Variants in ADAMTSL1 observed in about 807,000 individuals in gnomAD.
ADAMTSL1 encodes the protein ADAMTS like 1.
A neutral mutation model predicts 201.8 loss-of-function variants in ADAMTSL1; 126 were observed. That is an observed-to-expected ratio of 0.62 (90% confidence interval 0.54 to 0.72). The LOEUF is 0.72. Ranked by LOEUF, ADAMTSL1 falls within the 30% of genes least tolerant of loss-of-function variation. The probability of loss-of-function intolerance (pLI) is 0.00; values close to 1 mark genes in which losing one functional copy is unlikely to be tolerated. For missense variants in ADAMTSL1, 2,679 were observed against 2,277.8 expected, an observed-to-expected ratio of 1.18 and a Z score of -3.59; for synonymous variants, 1,121 against 903.4, an observed-to-expected ratio of 1.24 and a Z score of -4.32.
At chr9:17,932,139 G>T (rs1826821471) in intron 1 of ADAMTSL1, among the ~76,000 whole-genome samples, 1 of 152,156 alleles carries the variant, frequency 6.6e-6, no homozygotes, top group African/African-American at 2.4e-5. Context: ...TCAGAGGAAT[G>T]CTAATTGGGT....
chr9:18,279,553 G>A (rs1014185537), intron 2 of ADAMTSL1, among the ~76,000 whole-genome samples: 1 of 150,918 alleles, frequency 6.6e-6, no homozygotes, highest in African/African-American at 2.4e-5. Flanking sequence ...GACTGGATTT[G>A]TCAGGGAAAA....
At chr9:18,807,725 T>TA (rs1256013070) in intron 20 of ADAMTSL1, among the ~76,000 whole-genome samples, 3 of 152,064 alleles carry the variant, frequency 2.0e-5, no homozygotes, top group Non-Finnish European at 2.9e-5. Flanking sequence ...GAGGGCTCAG[T>TA]AATGCTGACT....
chr9:17,973,422 A>G (rs1204443934), intron 1 of ADAMTSL1, among the ~76,000 whole-genome samples: 2 of 127,184 alleles, frequency 1.6e-5, no homozygotes, highest in Non-Finnish European at 3.6e-5. Context: ...TAAATAGGGA[A>G]TCCTTTCCCC....
intron 1 of ADAMTSL1, among the ~76,000 whole-genome samples, chr9:18,014,354 T>A (rs1820169771): frequency 6.6e-6 from 1 of 152,030 alleles, no homozygotes; most frequent in African/African-American, 2.4e-5. Context: ...GAAGCATAAC[T>A]TGGGAATGGA....
In ADAMTSL1 at chr9:17,963,384, T is replaced by A. The variant is rs187099939; in HGVS notation, c.87+56462T>A. Among the ~76,000 whole-genome samples, 157 of 152,284 alleles carry A rather than the reference T, an allele frequency of 1.0e-3. 1 individual carries two copies. The highest frequency in any genetic ancestry group is 3.5e-3 in the African/African-American group (147 of 41,584). ...ACTGTGGACATTTTGAGGGGAAAGT[T>A]AGAGCACAGCTAGTAGTCATTCAGG... On this transcript the variant is annotated intron_variant, in intron 1 of 29. Coordinates refer to the ADAMTSL1 transcript ENST00000680146.
chr9:18,792,713 AT>A (rs1324248638), intron 19 of ADAMTSL1, among the ~76,000 whole-genome samples: 1 of 152,150 alleles, frequency 6.6e-6, no homozygotes, highest in Admixed American at 6.5e-5. Flanking sequence ...TTGATTTTTA[AT>A]TTTCTAATCT....
intron 1 of ADAMTSL1, among the ~76,000 whole-genome samples, chr9:17,975,466 C>G (rs894894609): frequency 2.0e-5 from 3 of 151,944 alleles, no homozygotes; most frequent in African/African-American, 7.2e-5. Flanking sequence ...GGTAAAGAAG[C>G]TCCACTCATC....
rs182665889 is a variant in ADAMTSL1 at position 18,566,454 on chromosome 9, T to C, written c.238-7576T>C. Among the ~76,000 whole-genome samples, 5 of 152,258 alleles carry C rather than the reference T, an allele frequency of 3.3e-5. No individual in the cohort carries two copies. In the South Asian group the frequency reaches 6.2e-4, roughly 19 times the overall value. Reference sequence around the variant, plus strand: ...TATACTTGTGGGTGACTAAGTGTTATAGGAAAAAGGAAAGTTGAGCAGGAT... The same window carrying C: ...TATACTTGTGGGTGACTAAGTGTTACAGGAAAAAGGAAAGTTGAGCAGGAT... On this transcript the variant is annotated intron_variant, in intron 3 of 28. Transcript: ENST00000380548.
chr9:18,315,026 G>A (rs1393635802), intron 2 of ADAMTSL1, among the ~76,000 whole-genome samples: 2 of 151,580 alleles, frequency 1.3e-5, no homozygotes, highest in Non-Finnish European at 2.9e-5. Context: ...TCGATCTCCT[G>A]ACCTCGTGAT....
At chr9:18,054,597 C>T (rs1822088681) in intron 1 of ADAMTSL1, among the ~76,000 whole-genome samples, 1 of 152,166 alleles carries the variant, frequency 6.6e-6, no homozygotes, top group South Asian at 2.1e-4. Flanking sequence ...TTATTCCATC[C>T]ACCATCGGGG....
intron 1 of ADAMTSL1, among the ~76,000 whole-genome samples, chr9:18,104,217 A>G (rs571501978): frequency 6.6e-6 from 1 of 152,062 alleles, no homozygotes; most frequent in East Asian, 1.9e-4. Context: ...CAGTTTCCAG[A>G]CCTCTTCTCT....
chr9:18,349,324 T>C (rs1835859501), intron 2 of ADAMTSL1, among the ~76,000 whole-genome samples: 1 of 152,196 alleles, frequency 6.6e-6, no homozygotes, highest in Non-Finnish European at 1.5e-5. Context: ...CACAACTTTA[T>C]GGCTGCCTTT....
chr9:18,304,800 T>G (rs1427859784), intron 2 of ADAMTSL1, among the ~76,000 whole-genome samples: 2 of 152,198 alleles, frequency 1.3e-5, no homozygotes, highest in African/African-American at 2.4e-5. Context: ...CAAAATGACT[T>G]TCTCATGGGT....
intron 2 of ADAMTSL1, among the ~76,000 whole-genome samples, chr9:18,215,028 C>G (rs1334422947): frequency 2.6e-5 from 4 of 152,042 alleles, no homozygotes; most frequent in Non-Finnish European, 5.9e-5. Context: ...GAAAAAACAA[C>G]AACTAAATTC....
intron 1 of ADAMTSL1, among the ~76,000 whole-genome samples, chr9:17,975,767 TTTTGGTA>T (rs1818422483): frequency 6.6e-6 from 1 of 152,144 alleles, no homozygotes; most frequent in Admixed American, 6.6e-5. Context: ...TTGCCTGTGC[TTTTGGTA>T]TTGTTACAAA....
intron 4 of ADAMTSL1, 146 bp downstream of exon 4, chr9:18,574,412 G>A: frequency 1.2e-6 from 1 of 800,196 alleles, no homozygotes; most frequent in South Asian, 1.6e-5. Context: ...ATTAAGGTAT[G>A]ATTTCAGTGA....
intron 2 of ADAMTSL1, among the ~76,000 whole-genome samples, chr9:18,528,720 G>T (rs949649693): frequency 6.6e-6 from 1 of 151,972 alleles, no homozygotes; most frequent in Non-Finnish European, 1.5e-5. Context: ...CTTATATTTT[G>T]TTCTTTCATA....
rs545642158 is a variant in ADAMTSL1 at position 18,650,541 on chromosome 9, C to T, written c.835-7098C>T. Reference sequence around the variant, plus strand: ...TCCTATTCGGCCATCTTGGCTCCTCCCTCCTCCATGGAATTTTATTGCCAA... The same window carrying T: ...TCCTATTCGGCCATCTTGGCTCCTCTCTCCTCCATGGAATTTTATTGCCAA... On this transcript the variant is annotated intron_variant, in intron 7 of 28. Coordinates refer to ENST00000380548, the MANE Select transcript of ADAMTSL1 (RefSeq NM_001040272.6). 8.5e-5 allele frequency among the ~76,000 whole-genome samples: 13 copies of T among 152,220 alleles called. No homozygotes were observed. The South Asian group carries it at 2.7e-3, about 32-fold the overall frequency.
At chr9:18,189,249 C>A (rs1828869077) in intron 2 of ADAMTSL1, among the ~76,000 whole-genome samples, 1 of 152,002 alleles carries the variant, frequency 6.6e-6, no homozygotes, top group South Asian at 2.1e-4. Context: ...TAATTGAGAT[C>A]GTAGAGAAAA....
Sources: gnomAD v4.1 joint callset for allele counts (sites outside exome capture counted in the v4.1 genomes callset) on GRCh38, gnomAD v4.1.1 for gene constraint, MANE v1.5 for transcripts, NCBI Gene and HGNC (gene_info 2026-07-23, HGNC 2026-07-21) for gene names.